DGLUCY: variants seen among roughly 807,000 people sequenced by gnomAD.
DGLUCY encodes D-glutamate cyclase, mitochondrial.
DGLUCY carries 58 observed loss-of-function variants against 58.5 expected under a neutral mutation model. The observed-to-expected ratio is 0.99, with a 90% CI of 0.80 to 1.23. The LOEUF is 1.23. DGLUCY is among the 50% of genes most tolerant of loss of function. The probability of loss-of-function intolerance (pLI) is 0.00; values close to 1 mark genes in which losing one functional copy is unlikely to be tolerated. For missense variants in DGLUCY, 779 were observed against 784.7 expected (o/e 0.99, Z 0.09); for synonymous variants, 325 against 314.1 (o/e 1.03, Z -0.37).
intron 1 of DGLUCY, among the ~76,000 whole-genome samples, chr14:91,068,860 G>A (rs1431347226): frequency 1.3e-5 from 2 of 152,128 alleles, no homozygotes; most frequent in Non-Finnish European, 2.9e-5. Flanking sequence ...TGCAAAGTCT[G>A]TACTAAAATT....
intron 8 of DGLUCY, among the ~76,000 whole-genome samples, chr14:91,181,862 G>A (rs560284994): frequency 2.0e-5 from 3 of 151,960 alleles, no homozygotes; most frequent in Non-Finnish European, 4.4e-5. Flanking sequence ...GGCCAGGCTG[G>A]TCTTAAACTG....
chr14:91,129,382 C>T (rs1043148319), intron 1 of DGLUCY, among the ~76,000 whole-genome samples: 5 of 151,874 alleles, frequency 3.3e-5, no homozygotes, highest in Non-Finnish European at 7.4e-5. Flanking sequence ...TACCCTTAAG[C>T]CTCTAAGTAC....
chr14:91,110,430 C>CTT (rs10711938), upstream of DGLUCY, among the ~76,000 whole-genome samples: 11 of 88,052 alleles, frequency 1.2e-4, no homozygotes, highest in African/African-American at 4.3e-4. Flanking sequence ...TTCTTTCTTT[C>CTT]TTTTTTTTTT....
rs757998298 is a variant in DGLUCY at position 91,199,745 on chromosome 14, G to C, written c.1296-12G>C. ...TAGGACCCTCTGACCTCTGACCTTT[G>C]CTTCCCGGCAGATTTGACCACCTGG... On this transcript the variant is annotated splice_polypyrimidine_tract_variant and intron_variant, in intron 10 of 13. Coordinates refer to ENST00000256324, the MANE Select transcript of DGLUCY (RefSeq NM_001102368.3). 17 of 1,613,748 alleles carry C rather than the reference G, an allele frequency of 1.1e-5. No individual in the cohort carries two copies. The highest frequency in any genetic ancestry group is 1.4e-5 in the Non-Finnish European group (17 of 1,179,798).
chr14:91,120,793 C>T (rs1318835976), intron 1 of DGLUCY, among the ~76,000 whole-genome samples: 1 of 152,178 alleles, frequency 6.6e-6, no homozygotes, highest in Non-Finnish European at 1.5e-5. Flanking sequence ...AAGTCTACCT[C>T]TTCCAGTTCC....
At chr14:91,143,365 GA>G (rs1438694531) in intron 1 of DGLUCY, among the ~76,000 whole-genome samples, 11 of 152,140 alleles carry the variant, frequency 7.2e-5, no homozygotes, top group African/African-American at 2.7e-4. Flanking sequence ...AAAGTGCTGG[GA>G]TTACAGGCAT....
At chr14:91,131,602 C>T (rs1429090248) in intron 1 of DGLUCY, among the ~76,000 whole-genome samples, 4 of 152,074 alleles carry the variant, frequency 2.6e-5, no homozygotes, top group African/African-American at 9.7e-5. Context: ...ATCTCCTATG[C>T]TATCCCTCCC....
chr14:91,178,035 A>G (rs980026995), intron 7 of DGLUCY, among the ~76,000 whole-genome samples: 23 of 152,256 alleles, frequency 1.5e-4, no homozygotes, highest in African/African-American at 5.3e-4. Flanking sequence ...GGTGCCCTGC[A>G]GAGGAGATCT....
intron 3 of DGLUCY, among the ~76,000 whole-genome samples, chr14:91,161,931 C>T (rs2048019907): frequency 6.6e-6 from 1 of 151,658 alleles, no homozygotes; most frequent in African/African-American, 2.4e-5. Flanking sequence ...TATATACGAG[C>T]AGCGAACACC....
At chr14:91,223,373 C>A (rs2140808101) in intron 13 of DGLUCY, among the ~76,000 whole-genome samples, 1 of 152,278 alleles carries the variant, frequency 6.6e-6, no homozygotes, top group East Asian at 1.9e-4. Context: ...AGAGAGCCTT[C>A]TTATAGCCGC....
chr14:91,170,042 C>T lies in DGLUCY; in HGVS notation c.297C>T (p.Ala99=), dbSNP rs776724016. 8 of 1,612,286 alleles carry T rather than the reference C, an allele frequency of 5.0e-6. No homozygotes were observed. The highest frequency in any genetic ancestry group is 1.7e-5 in the Admixed American group (1 of 60,024). ...HPQFWKYEFG[A]CTGSLASLEQ... ...AGTTCTGGAAATACGAGTTCGGTGC[C>T]TGCACCGGCAGCCTGGCTTCGCTGG... Residue 99 remains alanine (A), a synonymous_variant, in exon 5 of 14, where the codon GCC becomes GCT. Transcript: ENST00000256324.
upstream of DGLUCY, among the ~76,000 whole-genome samples, chr14:91,110,085 A>G (rs1228913884): frequency 6.6e-6 from 1 of 152,236 alleles, no homozygotes; most frequent in Non-Finnish European, 1.5e-5. Flanking sequence ...CAGCTAAGCA[A>G]TTGCAAACAA....
chr14:91,133,244 G>A (rs558933156), intron 1 of DGLUCY, among the ~76,000 whole-genome samples: 169 of 152,054 alleles, frequency 1.1e-3, no homozygotes, highest in African/African-American at 3.8e-3. Context: ...GCAGTGAGCC[G>A]AGATCTTGCC....
chr14:91,142,997 T>C lies in DGLUCY; in HGVS notation c.-81-14642T>C, dbSNP rs148256225. ...GTGAGCCGAGATCGTGCTACTGCAC[T>C]CCAGCCTGGGTGACACAGCGAGACT... On this transcript the variant is annotated intron_variant, in intron 1 of 13. Transcript: ENST00000256324. Among the ~76,000 whole-genome samples the C allele has an allele frequency of 9.6e-4, 115 of 119,900 alleles. No individual in the cohort carries two copies. The East Asian group carries it at 0.025, about 26-fold the overall frequency. The allele number at this position is 119,900 out of a possible 152,430, so 78.7% of individuals were successfully genotyped here. A position where few individuals can be genotyped will look rare whatever the true frequency, so the allele number is the denominator to read the frequency against.
At chr14:91,186,815 C>T (rs1455028688) in intron 8 of DGLUCY, among the ~76,000 whole-genome samples, 2 of 152,086 alleles carry the variant, frequency 1.3e-5, no homozygotes, top group African/African-American at 4.8e-5. Context: ...GGGCCATGTC[C>T]CTGTGACCCT....
intron 1 of DGLUCY, among the ~76,000 whole-genome samples, chr14:91,067,252 C>G (rs900053015): frequency 2.0e-5 from 3 of 151,512 alleles, no homozygotes; most frequent in Non-Finnish European, 2.9e-5. Flanking sequence ...AAAAAAAACA[C>G]TTTTTCATTA....
At chr14:91,155,101 G>A (rs370915121) in intron 1 of DGLUCY, among the ~76,000 whole-genome samples, 6 of 152,116 alleles carry the variant, frequency 3.9e-5, no homozygotes, top group African/African-American at 1.2e-4. Context: ...CACAGGCCCC[G>A]GAGCGCTAAG....
intron 13 of DGLUCY, among the ~76,000 whole-genome samples, chr14:91,218,035 T>C (rs1481433625): frequency 6.6e-6 from 1 of 152,208 alleles, no homozygotes; most frequent in Non-Finnish European, 1.5e-5. Context: ...AGTCTAGGTC[T>C]CTGTGACTCC....
intron 9 of DGLUCY, among the ~76,000 whole-genome samples, chr14:91,191,878 T>C (rs971623147): frequency 1.3e-5 from 2 of 151,942 alleles, no homozygotes; most frequent in Non-Finnish European, 2.9e-5. Flanking sequence ...GGTTTAGGGG[T>C]AAATCAAGAG....
Sources: gnomAD v4.1 joint callset for allele counts (sites outside exome capture counted in the v4.1 genomes callset) on GRCh38, gnomAD v4.1.1 for gene constraint, MANE v1.5 for transcripts, NCBI Gene and HGNC (gene_info 2026-07-23, HGNC 2026-07-21) for gene names.